LRRC2: variants seen among roughly 807,000 people sequenced by gnomAD.
LRRC2 encodes the protein leucine rich repeat containing 2, also known as leucine-rich repeat-containing protein 2.
In LRRC2, 27 loss-of-function variants were observed where a neutral mutation model predicts 40.2. The observed-to-expected ratio is 0.67, with a 90% CI of 0.49 to 0.93. LRRC2 has a LOEUF of 0.93. LRRC2 is among the 40% of genes least tolerant of loss of function. LRRC2 has a pLI of 0.00. For missense variants in LRRC2, 402 were observed against 439.6 expected (o/e 0.91, Z 0.76); for synonymous variants, 147 against 158.9 (o/e 0.92, Z 0.56).
chr3:46,549,990 T>C (rs548891318), intron 2 of LRRC2, among the ~76,000 whole-genome samples: 6 of 152,352 alleles, frequency 3.9e-5, no homozygotes, highest in Non-Finnish European at 8.8e-5. Flanking sequence ...GGGTTGTAAT[T>C]CTTTTTTGTT....
At chr3:46,541,751 A>G (rs1232626046) in intron 3 of LRRC2, among the ~76,000 whole-genome samples, 1 of 152,214 alleles carries the variant, frequency 6.6e-6, no homozygotes, top group Non-Finnish European at 1.5e-5. Context: ...TCTGAGGACC[A>G]GAACCTTGAC....
chr3:46,541,332 CAAAAAAA>C (rs571449281), intron 3 of LRRC2, among the ~76,000 whole-genome samples: 1 of 63,946 alleles, frequency 1.6e-5, no homozygotes, highest in Admixed American at 1.7e-4. Flanking sequence ...GACTCCGTCT[CAAAAAAA>C]AAAAAAAAAG....
At chr3:46,563,637 G>A (rs890547099) in intron 1 of LRRC2, among the ~76,000 whole-genome samples, 1 of 152,134 alleles carries the variant, frequency 6.6e-6, no homozygotes, top group Non-Finnish European at 1.5e-5. Flanking sequence ...CTGTTTATTT[G>A]CATCACAATA....
At chr3:46,546,717 T>C (rs1704533057) in intron 2 of LRRC2, among the ~76,000 whole-genome samples, 1 of 141,306 alleles carries the variant, frequency 7.1e-6, no homozygotes, top group African/African-American at 2.6e-5. Flanking sequence ...ATTTGCTCCT[T>C]TTTTTTTTTT....
At chr3:46,551,735 C>G in intron 1 of LRRC2, 125 bp from the exon 2 acceptor site, 1 of 320,828 alleles carries the variant, frequency 3.1e-6, no homozygotes, top group East Asian at 8.0e-5. Flanking sequence ...CTTACTACTT[C>G]AAGGATGACA....
intron 8 of LRRC2, among the ~76,000 whole-genome samples, chr3:46,519,299 A>G (rs1333416334): frequency 1.3e-5 from 2 of 152,208 alleles, no homozygotes; most frequent in African/African-American, 2.4e-5. Context: ...GTTAACTTTC[A>G]TTCTTTTGCC....
intron 5 of LRRC2, among the ~76,000 whole-genome samples, chr3:46,530,916 A>T (rs1244024696): frequency 2.6e-5 from 4 of 152,218 alleles, no homozygotes; most frequent in African/African-American, 9.6e-5. Flanking sequence ...ACATAACTAT[A>T]AGAGAGTTAG....
At chr3:46,526,754 G>T (rs1219885839) in intron 7 of LRRC2, among the ~76,000 whole-genome samples, 1 of 152,246 alleles carries the variant, frequency 6.6e-6, no homozygotes, top group Non-Finnish European at 1.5e-5. Context: ...TGGTGCTCAA[G>T]GCCAATAGGT....
chr3:46,520,092 T>A (rs1575342361), intron 8 of LRRC2, among the ~76,000 whole-genome samples: 1 of 150,012 alleles, frequency 6.7e-6, no homozygotes, highest in South Asian at 2.1e-4. Flanking sequence ...AAGCAAATTA[T>A]TTTAAAACAA....
At chr3:46,544,318 A>G (rs1704477555) in intron 3 of LRRC2, among the ~76,000 whole-genome samples, 1 of 152,222 alleles carries the variant, frequency 6.6e-6, no homozygotes, top group African/African-American at 2.4e-5. Flanking sequence ...CAGGAGTTCG[A>G]GACCAACCTG....
intron 7 of LRRC2, among the ~76,000 whole-genome samples, chr3:46,522,361 C>T (rs764196790): frequency 6.8e-5 from 10 of 146,278 alleles, no homozygotes; most frequent in Non-Finnish European, 1.3e-4. Flanking sequence ...GGCAACAGAG[C>T]GAGACTCAAT....
At chr3:46,533,572 C>T (rs1704197863) in intron 4 of LRRC2, among the ~76,000 whole-genome samples, 1 of 152,228 alleles carries the variant, frequency 6.6e-6, no homozygotes, top group Non-Finnish European at 1.5e-5. Flanking sequence ...AGAACACTTA[C>T]ATTAGCCTAC....
At chr3:46,565,058 G>A (rs1705028928) in intron 1 of LRRC2, among the ~76,000 whole-genome samples, 1 of 152,230 alleles carries the variant, frequency 6.6e-6, no homozygotes, top group African/African-American at 2.4e-5. Context: ...GTCAAGTAAG[G>A]TCAGTATAGT....
chr3:46,558,120 G>A (rs1704851954), intron 1 of LRRC2: 1 of 152,124 alleles, frequency 6.6e-6, no homozygotes, highest in South Asian at 2.1e-4. Context: ...CCATGCTTGG[G>A]GCAGATTCCG....
chr3:46,544,812 C>T (rs144424240), intron 3 of LRRC2, among the ~76,000 whole-genome samples: 11 of 152,302 alleles, frequency 7.2e-5, no homozygotes, highest in Admixed American at 3.9e-4. Context: ...AGGAGAGGAA[C>T]GCATCCTGAA....
At chr3:46,560,440 T>C (rs992921190) in intron 1 of LRRC2, among the ~76,000 whole-genome samples, 1 of 152,216 alleles carries the variant, frequency 6.6e-6, no homozygotes, top group African/African-American at 2.4e-5. Flanking sequence ...GCATTAACTT[T>C]CTTTAGGACT....
At position 46,530,025 on chromosome 3, in the gene LRRC2, A is replaced by G; in HGVS notation, c.653T>C (p.Phe218Ser). 1.2e-6 allele frequency: 2 copies of G among 1,613,330 alleles called. No homozygotes were observed. Among genetic ancestry groups the G allele is most frequent in the Middle Eastern group, 1.7e-4 (1 of 6,060 alleles). ...AAACTTGTTTGCTGAGATATCTACAAATGTAACTTGCTTCAAATTACTTAA... is the reference window on the plus strand; with the variant it reads ...AAACTTGTTTGCTGAGATATCTACAGATGTAACTTGCTTCAAATTACTTAA... ...FELSNLKQVT[F>S]VDISANKFSS... Residue 218 changes from phenylalanine to serine, a missense_variant, in exon 6 of 9, where the codon TTT (phenylalanine) becomes TCT (serine). Phe to Ser is a radical substitution (Grantham distance 155, BLOSUM62 -2). Transcript: ENST00000395905.
chr3:46,528,574 T>C (rs1386473029), intron 6 of LRRC2, among the ~76,000 whole-genome samples: 2 of 152,236 alleles, frequency 1.3e-5, no homozygotes, highest in African/African-American at 4.8e-5. Flanking sequence ...CATTTTATTC[T>C]AACTCAGTGG....
At chr3:46,532,660 G>T in intron 5 of LRRC2, 113 bp downstream of exon 5, 2 of 1,151,584 alleles carry the variant, frequency 1.7e-6, no homozygotes, top group Non-Finnish European at 2.5e-6. Context: ...TCAGGAAAAG[G>T]TGATATAATA....
Sources: allele counts gnomAD v4.1 joint callset (sites outside exome capture counted in the v4.1 genomes callset), GRCh38; gene constraint gnomAD v4.1.1; transcripts MANE v1.5; gene names NCBI Gene and HGNC (gene_info 2026-07-23, HGNC 2026-07-21).